NCOA2: variants seen among roughly 807,000 people sequenced by gnomAD.
The protein encoded by NCOA2 is nuclear receptor coactivator 2.
Under a neutral mutation model 145.1 loss-of-function variants are expected in NCOA2, and 21 were observed. That is an observed-to-expected ratio of 0.14 (90% confidence interval 0.10 to 0.21). The LOEUF (loss-of-function observed/expected upper bound fraction) is 0.21, where lower values mean the gene tolerates loss of function less well. Ranked by LOEUF, NCOA2 falls within the 10% of genes least tolerant of loss-of-function variation. The pLI is 1.00. For synonymous variants in NCOA2, 619 were observed against 637.5 expected (o/e 0.97, Z 0.44); for missense variants, 1,472 against 1,837.6 (o/e 0.80, Z 3.64).
chr8:70,380,373 T>C (rs1028240742), intron 1 of NCOA2, among the ~76,000 whole-genome samples: 1 of 152,130 alleles, frequency 6.6e-6, no homozygotes, highest in Admixed American at 6.5e-5. Flanking sequence ...TACTCCTCAC[T>C]CGCACAGTGC....
chr8:70,160,666 AGAGAGAGAGAGAGAGG>A (rs941277854), intron 9 of NCOA2, among the ~76,000 whole-genome samples: 3 of 143,788 alleles, frequency 2.1e-5, no homozygotes, highest in Non-Finnish European at 4.5e-5. Flanking sequence ...AGACAGAGAG[AGAGAGAGAGAGAGAGG>A]GAGAGAGAGA....
the NCOA2 span, among the ~76,000 whole-genome samples, chr8:70,435,420 G>A: frequency 5.0e-5 from 3 of 59,852 alleles, no homozygotes; most frequent in African/African-American, 1.0e-4. Context: ...GTGAGACTCC[G>A]TCTCAAAAAA....
intron 2 of NCOA2, among the ~76,000 whole-genome samples, chr8:70,233,279 G>C (rs1272771444): frequency 6.6e-6 from 1 of 151,708 alleles, no homozygotes; most frequent in African/African-American, 2.4e-5. Context: ...ACCCCAGAAG[G>C]GTCTACAGAA....
At chr8:70,181,208 ATTGTTC>A (rs1815437690) in intron 4 of NCOA2, among the ~76,000 whole-genome samples, 1 of 152,196 alleles carries the variant, frequency 6.6e-6, no homozygotes, top group Non-Finnish European at 1.5e-5. Flanking sequence ...CAGCCACGTA[ATTGTTC>A]TAACTCCAGC....
intron 1 of NCOA2, among the ~76,000 whole-genome samples, chr8:70,346,755 G>T (rs1005026218): frequency 6.6e-6 from 1 of 152,156 alleles, no homozygotes; most frequent in African/African-American, 2.4e-5. Context: ...TAGCTAACAA[G>T]TACTCAAGCT....
chr8:70,230,585 A>G (rs1821048354), intron 2 of NCOA2, among the ~76,000 whole-genome samples: 1 of 152,234 alleles, frequency 6.6e-6, no homozygotes, highest in South Asian at 2.1e-4. Context: ...TAGAAAACAC[A>G]CTGGGGATTA....
chr8:70,410,303 T>G, the NCOA2 span, among the ~76,000 whole-genome samples: 1 of 152,256 alleles, frequency 6.6e-6, no homozygotes, highest in Non-Finnish European at 1.5e-5. Context: ...TACAAACACC[T>G]TGGAAAACAG....
At chr8:70,387,077 G>A (rs1273450626) in intron 1 of NCOA2, among the ~76,000 whole-genome samples, 1 of 152,026 alleles carries the variant, frequency 6.6e-6, no homozygotes, top group African/African-American at 2.4e-5. Flanking sequence ...GGTAGAGATG[G>A]GGTCTCGCTT....
intron 2 of NCOA2, among the ~76,000 whole-genome samples, chr8:70,231,601 C>T (rs1326271171): frequency 6.6e-6 from 1 of 152,176 alleles, no homozygotes; most frequent in African/African-American, 2.4e-5. Context: ...CAATGGAAAA[C>T]TGAGTTAAGG....
At chr8:70,167,898 G>C (rs760063196) in intron 6 of NCOA2, among the ~76,000 whole-genome samples, 1 of 152,188 alleles carries the variant, frequency 6.6e-6, no homozygotes, top group Admixed American at 6.5e-5. Flanking sequence ...AAAAAAATCT[G>C]ATGTCCAAAG....
chr8:70,395,138 T>C (rs1813538198), intron 1 of NCOA2, among the ~76,000 whole-genome samples: 2 of 152,112 alleles, frequency 1.3e-5, no homozygotes, highest in African/African-American at 4.8e-5. Flanking sequence ...AATCTTCAAC[T>C]TGAAGAAAAA....
chr8:70,238,170 G>A (rs975671237), intron 2 of NCOA2, among the ~76,000 whole-genome samples: 4 of 152,052 alleles, frequency 2.6e-5, no homozygotes. Context: ...GCGCGTGTGT[G>A]TGTTTTAAAC....
intron 1 of NCOA2, among the ~76,000 whole-genome samples, chr8:70,376,280 G>A (rs575483983): frequency 6.6e-6 from 1 of 152,102 alleles, no homozygotes; most frequent in South Asian, 2.1e-4. Context: ...TCTCCTTCGG[G>A]GAGAGTAACT....
chr8:70,261,465 T>C (rs557156447), intron 2 of NCOA2, among the ~76,000 whole-genome samples: 1 of 152,130 alleles, frequency 6.6e-6, no homozygotes, highest in South Asian at 2.1e-4. Flanking sequence ...GCGGGAGGGA[T>C]AGCATTAGGA....
chr8:70,318,872 C>T (rs1805826470), intron 1 of NCOA2, among the ~76,000 whole-genome samples: 1 of 152,214 alleles, frequency 6.6e-6, no homozygotes, highest in Non-Finnish European at 1.5e-5. Flanking sequence ...TAGGAAAATA[C>T]ACTGTATCCA....
At chr8:70,149,677 T>C (rs1041166727) in intron 11 of NCOA2, among the ~76,000 whole-genome samples, 7 of 152,218 alleles carry the variant, frequency 4.6e-5, no homozygotes, top group African/African-American at 1.4e-4. Flanking sequence ...CTGGAATTTA[T>C]TCTAGATTTT....
chr8:70,120,417 T>G (rs1807667207), intron 22 of NCOA2, among the ~76,000 whole-genome samples: 1 of 151,966 alleles, frequency 6.6e-6, no homozygotes, highest in Non-Finnish European at 1.5e-5. Context: ...AATATCATTC[T>G]CTTTAGAACA....
chr8:70,428,771 G>A, the NCOA2 span, among the ~76,000 whole-genome samples: 1 of 152,098 alleles, frequency 6.6e-6, no homozygotes, highest in African/African-American at 2.4e-5. Context: ...CCCAAAGCAA[G>A]GCAGCATAGC....
At chr8:70,314,940 C>G (rs1273986081) in intron 1 of NCOA2, among the ~76,000 whole-genome samples, 1 of 152,134 alleles carries the variant, frequency 6.6e-6, no homozygotes, top group Non-Finnish European at 1.5e-5. Flanking sequence ...TGGGTTGATA[C>G]CACTCACTCC....
Sources: gnomAD v4.1 joint callset for allele counts (sites outside exome capture counted in the v4.1 genomes callset) on GRCh38, gnomAD v4.1.1 for gene constraint, MANE v1.5 for transcripts, NCBI Gene and HGNC (gene_info 2026-07-23, HGNC 2026-07-21) for gene names.